The following CCDC88C variants were observed in gnomAD, a reference collection of about 807,000 sequenced individuals.
CCDC88C encodes coiled-coil and HOOK domain protein 88C, also known as protein Daple.
In CCDC88C, 131 loss-of-function variants were observed where a neutral mutation model predicts 198.8. The ratio of observed to expected loss-of-function variants is 0.66; its 90% confidence interval spans 0.57 to 0.76. The LOEUF is 0.76. Among genes scored for constraint, CCDC88C ranks in the 30% least tolerant of loss-of-function variants. The pLI, the probability that CCDC88C is intolerant of heterozygous loss-of-function variation, is 0.00. For missense variants in CCDC88C, 2,553 were observed against 2,631.6 expected, an observed-to-expected ratio of 0.97 and a Z score of 0.65; for synonymous variants, 1,166 against 1,114.7, an observed-to-expected ratio of 1.05 and a Z score of -0.92.
In CCDC88C at chr14:91,289,195, G is replaced by GCGGCTGAGAGGC. The variant is rs756708719; in HGVS notation, c.4339_4350dup (p.Ala1447_Pro1450dup). ...TCGGGGTTCTCGGCCTGTGATCTGA[G>GCGGCTGAGAGGC]CGGCTGAGAGGCCGCCGGCGAGGCG... On this transcript the variant is annotated inframe_insertion, in exon 25 of 30. Transcript: ENST00000389857. 1.2e-6 allele frequency: 2 copies of GCGGCTGAGAGGC among 1,613,872 alleles called. No individual in the cohort carries two copies. The highest frequency in any genetic ancestry group is 1.3e-5 in the African/African-American group (1 of 74,940).
chr14:91,309,833 T>TG, intron 16 of CCDC88C, 26 bp downstream of exon 16: 1 of 1,593,900 alleles, frequency 6.3e-7, no homozygotes, highest in Non-Finnish European at 8.6e-7. Context: ...GCTCCCACGA[T>TG]GGGGAGAGGG....
intron 3 of CCDC88C, among the ~76,000 whole-genome samples, chr14:91,377,003 C>G (rs1037197739): frequency 5.3e-5 from 8 of 151,148 alleles, no homozygotes; most frequent in African/African-American, 1.7e-4. Flanking sequence ...CCCCCCCTCC[C>G]TAACCAACTG....
At chr14:91,323,189 A>G (rs188221717) in intron 12 of CCDC88C, among the ~76,000 whole-genome samples, 6 of 152,252 alleles carry the variant, frequency 3.9e-5, no homozygotes, top group African/African-American at 1.4e-4. Context: ...TACAGGCATG[A>G]GCCACTTTGC....
At position 91,272,597 on chromosome 14, in the gene CCDC88C, C is replaced by G. The variant is rs1447325165; in HGVS notation, c.*28G>C. ...AGTCGGAAGGCGCGTCAGTAGTTTT[C>G]AGGTTTGCGAGCTCAACCACGAGAC... On this transcript the variant is annotated 3_prime_UTR_variant, in exon 30 of 30. Transcript: ENST00000389857. 6.3e-7 allele frequency: 1 copy of G among 1,582,996 alleles called. No individual in the cohort carries two copies. The highest frequency in any genetic ancestry group is 1.3e-5 in the African/African-American group (1 of 74,194).
chr14:91,355,941 C>T (rs1053702255), intron 4 of CCDC88C, among the ~76,000 whole-genome samples: 1 of 151,980 alleles, frequency 6.6e-6, no homozygotes, highest in East Asian at 1.9e-4. Context: ...GAAAAGTTAC[C>T]CCAAACTATA....
intron 16 of CCDC88C, among the ~76,000 whole-genome samples, chr14:91,309,498 G>A (rs1028560138): frequency 6.6e-6 from 1 of 151,692 alleles, no homozygotes; most frequent in Admixed American, 6.6e-5. Context: ...CAGCTAGGTA[G>A]TGGTCTCCAG....
At chr14:91,388,260 G>A (rs1001015770) in intron 3 of CCDC88C, among the ~76,000 whole-genome samples, 1 of 152,234 alleles carries the variant, frequency 6.6e-6, no homozygotes, top group African/African-American at 2.4e-5. Context: ...TCTGTCATCT[G>A]TCACACAGAA....
At chr14:91,326,420 C>T (rs910927296) in intron 10 of CCDC88C, among the ~76,000 whole-genome samples, 10 of 152,130 alleles carry the variant, frequency 6.6e-5, no homozygotes, top group Non-Finnish European at 5.9e-5. Context: ...ATCATGTTAT[C>T]CAGGCTGGTC....
chr14:91,324,655 G>A, intron 12 of CCDC88C, 124 bp downstream of exon 12: 2 of 1,228,638 alleles, frequency 1.6e-6, no homozygotes. Context: ...GAGCTTGAAG[G>A]AAATCATGTT....
chr14:91,416,473 A>G (rs1160354621), intron 2 of CCDC88C, among the ~76,000 whole-genome samples: 1 of 151,848 alleles, frequency 6.6e-6, no homozygotes, highest in African/African-American at 2.4e-5. Context: ...TCTGAAGTCA[A>G]TTGCACTATC....
intron 22 of CCDC88C, 26 bp downstream of exon 22, chr14:91,297,279 C>A: frequency 6.2e-7 from 1 of 1,604,838 alleles, no homozygotes; most frequent in East Asian, 2.2e-5. Flanking sequence ...CCCTGTCTCC[C>A]GAGGCTCCCC....
chr14:91,397,989 T>C (rs546648687), intron 3 of CCDC88C, among the ~76,000 whole-genome samples: 80 of 152,384 alleles, frequency 5.2e-4, no homozygotes, highest in Admixed American at 4.2e-3. Flanking sequence ...CCATGAGCCT[T>C]GGTTTCCTAA....
In CCDC88C at chr14:91,273,107, T is replaced by C. The variant is rs747442301; in HGVS notation, c.5605A>G (p.Ser1869Gly). The change falls in exon 30 of 30, where the codon AGC (serine) becomes GGC (glycine). Residue 1869 changes from serine to glycine, a missense_variant. Transcript: ENST00000389857. The surrounding 1 kb of genome is among the most constrained non-coding windows in gnomAD (Gnocchi z 5.6). ...ERTPLVGKAGSSCQGPGPRSR... is the reference protein window; with the variant it reads ...ERTPLVGKAGGSCQGPGPRSR... ...CGGGGACCTGGGCCCTGACAGGAGC[T>C]GCCAGCCTTTCCCACAAGTGGGGTC... The C allele has an allele frequency of 1.9e-6, 3 of 1,567,228 alleles. No individual in the cohort carries two copies. The highest frequency in any genetic ancestry group is 1.9e-5 in the Admixed American group (1 of 53,688).
chr14:91,337,134 A>G (rs1893083560), intron 10 of CCDC88C, among the ~76,000 whole-genome samples: 1 of 152,182 alleles, frequency 6.6e-6, no homozygotes, highest in East Asian at 1.9e-4. Flanking sequence ...TACTGACATG[A>G]GGTTGTCAGG....
Position 91,272,453 on chromosome 14 carries a change from CT to C in CCDC88C, c.*171del. 1 of 666,708 alleles carries C rather than the reference CT, an allele frequency of 1.5e-6. No individual in the cohort carries two copies. Among genetic ancestry groups the C allele is most frequent in the Non-Finnish European group, 2.5e-6 (1 of 400,556 alleles). The allele number at this position is 666,708 out of a possible 1,614,324, so 41.3% of individuals were successfully genotyped here. ...GTTACACACCTGGAAGCGTAATCCT[CT>C]TGGGGCTTGGCACAGTGTTTCCATT... On this transcript the variant is annotated 3_prime_UTR_variant, in exon 30 of 30. Coordinates refer to ENST00000389857, the MANE Select transcript of CCDC88C (RefSeq NM_001080414.4).
rs144409498 is a variant in CCDC88C, at chr14:91,371,323, C to A, written c.271-11612G>T. The stretch of plus-strand genomic sequence containing the variant: ...GTCAGTAGTTCTGCTGATGGATAAG[C>A]AAGAAAGGGGCAGAGAAAGTGTGGC... On this transcript the variant is annotated intron_variant, in intron 3 of 29. Transcript: ENST00000389857. The surrounding 1 kb of genome is among the most constrained non-coding windows in gnomAD (Gnocchi z 4.2). Among the ~76,000 whole-genome samples the A allele has an allele frequency of 2.2e-4, 34 of 152,006 alleles. No individual in the cohort carries two copies. The East Asian group carries it at 6.6e-3, about 29-fold the overall frequency.
intron 4 of CCDC88C, among the ~76,000 whole-genome samples, chr14:91,355,465 G>C (rs747324240): frequency 4.6e-5 from 7 of 152,154 alleles, no homozygotes; most frequent in African/African-American, 1.7e-4. Flanking sequence ...AGAGACTACA[G>C]CAGTGAGGCA....
intron 3 of CCDC88C, among the ~76,000 whole-genome samples, chr14:91,391,815 A>ACC (rs1366232817): frequency 6.6e-6 from 1 of 151,962 alleles, no homozygotes; most frequent in Non-Finnish European, 1.5e-5. Flanking sequence ...TTCCTAAAAG[A>ACC]CCAGAAGTTA....
intron 10 of CCDC88C, among the ~76,000 whole-genome samples, chr14:91,333,176 G>A (rs1417448369): frequency 6.6e-6 from 1 of 152,230 alleles, no homozygotes; most frequent in Non-Finnish European, 1.5e-5. Flanking sequence ...AATACATTAA[G>A]TAATTCAATG....
Sources: allele counts gnomAD v4.1 joint callset (sites outside exome capture counted in the v4.1 genomes callset), GRCh38; gene constraint gnomAD v4.1.1; non-coding constraint Gnocchi (gnomAD v3.1); transcripts MANE v1.5; gene names NCBI Gene and HGNC (gene_info 2026-07-23, HGNC 2026-07-21).